Variants in FER1L6 observed in about 807,000 individuals in gnomAD.
FER1L6 encodes the protein fer-1-like protein 6.
In FER1L6, 177 loss-of-function variants were observed where a neutral mutation model predicts 219.2. The ratio of observed to expected loss-of-function variants is 0.81; its 90% CI spans 0.71 to 0.91. The LOEUF (loss-of-function observed/expected upper bound fraction) is 0.91. Ranked by LOEUF, FER1L6 falls within the 40% of genes least tolerant of loss-of-function variation. The probability of loss-of-function intolerance (pLI) is 0.00; values close to 1 mark genes in which losing one functional copy is unlikely to be tolerated. For missense variants in FER1L6, 2,153 were observed against 2,259.9 expected (o/e 0.95, Z 0.96); for synonymous variants, 768 against 824.3 (o/e 0.93, Z 1.17).
intron 1 of FER1L6, among the ~76,000 whole-genome samples, chr8:123,954,317 T>C (rs867985598): frequency 6.6e-6 from 1 of 152,180 alleles, no homozygotes; most frequent in Non-Finnish European, 1.5e-5. Context: ...CCTTTAACAG[T>C]GGTTCTCAGG....
intron 22 of FER1L6, among the ~76,000 whole-genome samples, chr8:124,053,687 CG>C (rs1367490824): frequency 6.6e-6 from 1 of 151,956 alleles, no homozygotes; most frequent in Non-Finnish European, 1.5e-5. Flanking sequence ...GTGGGATCCC[CG>C]TCTCTACAAA....
intron 12 of FER1L6, among the ~76,000 whole-genome samples, chr8:123,993,564 A>G (rs1471956831): frequency 2.6e-5 from 4 of 152,164 alleles, no homozygotes; most frequent in Non-Finnish European, 4.4e-5. Context: ...CCAGCACTGC[A>G]GCTGAGCCTC....
chr8:123,975,066 G>C, intron 7 of FER1L6, 84 bp from the exon 8 acceptor site: 4 of 1,276,570 alleles, frequency 3.1e-6, no homozygotes, highest in Non-Finnish European at 4.2e-6. Context: ...GGAGAGCCTG[G>C]GAGGCCTTGG....
At chr8:123,903,872 T>C (rs1175590882) in intron 1 of FER1L6, among the ~76,000 whole-genome samples, 3 of 152,168 alleles carry the variant, frequency 2.0e-5, no homozygotes, top group Non-Finnish European at 2.9e-5. Flanking sequence ...TGGGAAATGA[T>C]AGTTATGCAA....
chr8:124,066,519 A>T lies in FER1L6; in HGVS notation c.3647A>T (p.Lys1216Met), dbSNP rs1290044789. 1 of 1,614,140 alleles carries T rather than the reference A, an allele frequency of 6.2e-7. No individual in the cohort carries two copies. The highest frequency in any genetic ancestry group is 8.5e-7 in the Non-Finnish European group (1 of 1,179,972). The part of the protein sequence containing the change: ...SAENVIDWWS[K>M]YYASLKKAQK... ...GAAAACGTGATTGACTGGTGGTCTA[A>T]GTATTATGCCTCCCTGAAGAAAGCC... The change falls in exon 27 of 41, where the codon AAG becomes ATG. Residue 1216 changes from lysine to methionine, a missense_variant. Transcript: ENST00000522917.
intron 33 of FER1L6, among the ~76,000 whole-genome samples, chr8:124,089,675 A>T (rs540359825): frequency 9.8e-5 from 15 of 152,362 alleles, no homozygotes; most frequent in African/African-American, 3.4e-4. Flanking sequence ...ATTAAATATG[A>T]CACACTCATT....
In FER1L6 at chr8:124,069,388, T is replaced by C. The variant is rs1215799423; in HGVS notation, c.3747T>C (p.Asp1249=). The C allele has an allele frequency of 3.7e-6, 6 of 1,612,694 alleles. No homozygotes were observed. Among genetic ancestry groups the C allele is most frequent in the African/African-American group, 1.3e-5 (1 of 74,794 alleles). The part of the protein sequence containing the change: ...TEAKPDEVVV[D]IEDGPKKKKD... ...CAAAGCCAGATGAGGTAGTGGTAGA[T>C]ATAGAAGATGGGCCAAAGAAGAAGA... The change falls in exon 29 of 41, where the codon GAT becomes GAC. Residue 1249 remains aspartate (D), a synonymous_variant. Coordinates refer to ENST00000522917, the MANE Select transcript of FER1L6 (RefSeq NM_001039112.2).
In FER1L6 at chr8:123,955,268, G is replaced by A. The variant is rs182449840; in HGVS notation, c.-7-724G>A. On this transcript the variant is annotated intron_variant, in intron 1 of 40. Transcript: ENST00000522917. ...TGGGCAACAGAGCAAGACTCCATCT[G>A]GGGGTTGCAGTGGGTGGGGAGAGAA... is the stretch of plus-strand genomic sequence containing the variant. Among the ~76,000 whole-genome samples the A allele has an allele frequency of 1.2e-3, 190 of 152,298 alleles. 1 individual carries two copies. Among genetic ancestry groups the A allele is most frequent in the African/African-American group, 4.2e-3 (173 of 41,566 alleles).
At chr8:124,097,996 C>A in intron 37 of FER1L6, 113 bp downstream of exon 37, 2 of 559,942 alleles carry the variant, frequency 3.6e-6, no homozygotes, top group South Asian at 2.8e-5. Context: ...ACAAAGTGAG[C>A]CATCTTACTT....
At chr8:123,992,341 G>T (rs1451313011) in intron 12 of FER1L6, among the ~76,000 whole-genome samples, 1 of 151,578 alleles carries the variant, frequency 6.6e-6, no homozygotes, top group Non-Finnish European at 1.5e-5. Context: ...GGATTTTTTT[G>T]TTGTTGGCAA....
intron 1 of FER1L6, among the ~76,000 whole-genome samples, chr8:123,921,863 G>T (rs1419681618): frequency 6.6e-6 from 1 of 152,056 alleles, no homozygotes; most frequent in Non-Finnish European, 1.5e-5. Flanking sequence ...TGAGAGACTT[G>T]AAAGGTGTTT....
At chr8:123,879,727 ACACACACACACT>A (rs1452746633) in intron 1 of FER1L6, among the ~76,000 whole-genome samples, 1 of 152,148 alleles carries the variant, frequency 6.6e-6, no homozygotes, top group African/African-American at 2.4e-5. Context: ...GCGCATACAC[ACACACACACACT>A]CACACACATT....
intron 1 of FER1L6, among the ~76,000 whole-genome samples, chr8:123,871,165 G>A (rs146629363): frequency 3.9e-5 from 6 of 152,276 alleles, no homozygotes; most frequent in East Asian, 1.9e-4. Flanking sequence ...GTATGAACTC[G>A]TGTTTACTTT....
At chr8:124,067,566 T>C (rs748901839) in intron 27 of FER1L6, among the ~76,000 whole-genome samples, 1 of 152,202 alleles carries the variant, frequency 6.6e-6, no homozygotes, top group African/African-American at 2.4e-5. Context: ...TGCGGATACC[T>C]CTTTTTTAGG....
At chr8:123,901,532 C>A (rs1812855523) in intron 1 of FER1L6, among the ~76,000 whole-genome samples, 1 of 66,394 alleles carries the variant, frequency 1.5e-5, no homozygotes, top group African/African-American at 7.1e-5. Context: ...CTTTCTTCTG[C>A]TGGGTTTGGG....
rs1487469551 is a variant in FER1L6 at position 124,072,435 on chromosome 8, C to G, written c.4092+804C>G. Among the ~76,000 whole-genome samples, 4 of 152,152 alleles carry G rather than the reference C, an allele frequency of 2.6e-5. No homozygotes were observed. The East Asian group carries it at 7.7e-4, about 29-fold the overall frequency. On this transcript the variant is annotated intron_variant, in intron 31 of 40. Coordinates refer to ENST00000522917, the MANE Select transcript of FER1L6 (RefSeq NM_001039112.2). The stretch of plus-strand genomic sequence containing the variant: ...AGCAACTGTATGAACCCCAATGGTT[C>G]ATGGATTTGTTTTAATCTCCTGACC...
chr8:123,941,342 A>G (rs1814230875), intron 1 of FER1L6, among the ~76,000 whole-genome samples: 1 of 152,162 alleles, frequency 6.6e-6, no homozygotes, highest in Non-Finnish European at 1.5e-5. Context: ...TGGCCCATGA[A>G]GGATGGGACA....
intron 21 of FER1L6, among the ~76,000 whole-genome samples, chr8:124,048,556 C>A (rs1819840461): frequency 6.6e-6 from 1 of 152,192 alleles, no homozygotes; most frequent in African/African-American, 2.4e-5. Context: ...TACATACATA[C>A]AAAAATATTT....
At chr8:123,866,740 C>A (rs916140340) in intron 1 of FER1L6, among the ~76,000 whole-genome samples, 9 of 152,106 alleles carry the variant, frequency 5.9e-5, no homozygotes, top group African/African-American at 2.2e-4. Context: ...GCCTCAGCCT[C>A]CCGAGTAGTG....
Sources: gnomAD v4.1 joint callset for allele counts (sites outside exome capture counted in the v4.1 genomes callset) on GRCh38, gnomAD v4.1.1 for gene constraint, MANE v1.5 for transcripts, NCBI Gene and HGNC (gene_info 2026-07-23, HGNC 2026-07-21) for gene names.